The following CCNY variants were observed in gnomAD, a reference collection of about 807,000 sequenced individuals.
CCNY encodes cyclin Y.
A neutral mutation model predicts 42.8 loss-of-function variants in CCNY; 19 were observed. The observed-to-expected ratio is 0.44, with a 90% CI of 0.31 to 0.65. The LOEUF (loss-of-function observed/expected upper bound fraction) is 0.65. CCNY is among the 30% of genes least tolerant of loss of function. The probability of loss-of-function intolerance (pLI) is 0.07; values close to 1 mark genes in which losing one functional copy is unlikely to be tolerated. For missense variants in CCNY, 370 were observed against 437.3 expected (o/e 0.85, Z 1.37); for synonymous variants, 165 against 162.7 (o/e 1.01, Z -0.11).
intron 7 of CCNY, among the ~76,000 whole-genome samples, chr10:35,547,744 G>A (rs1299615513): frequency 1.3e-5 from 2 of 152,160 alleles, no homozygotes; most frequent in African/African-American, 2.4e-5. Context: ...GACCCCATAT[G>A]CCCATGATGC....
chr10:35,291,299 C>T lies in CCNY; in HGVS notation c.-9+40673C>T, dbSNP rs138907593. Among the ~76,000 whole-genome samples the T allele has an allele frequency of 5.3e-5, 8 of 152,002 alleles. 1 individual carries two copies. The highest frequency in any genetic ancestry group is 2.1e-4 in the South Asian group (1 of 4,812). On this transcript the variant is annotated intron_variant, in intron 3 of 11. Transcript: ENST00000374706. ...TGGGATTACAGGTGTGAGTCATTCC[C>T]GGCCTAATATGAGGTCTTTTAAAGC...
chr10:35,477,033 C>T (rs1418649058), intron 1 of CCNY, among the ~76,000 whole-genome samples: 2 of 152,190 alleles, frequency 1.3e-5, no homozygotes, highest in Non-Finnish European at 2.9e-5. Context: ...ACTAGAAAAT[C>T]TAGAAGAAAT....
chr10:35,474,117 T>G (rs1041040492), intron 1 of CCNY, among the ~76,000 whole-genome samples: 1 of 152,132 alleles, frequency 6.6e-6, no homozygotes, highest in African/African-American at 2.4e-5. Flanking sequence ...ACCACGAGAT[T>G]ATATCCCGCA....
At chr10:35,531,454 C>G (rs1840769494) in intron 7 of CCNY, among the ~76,000 whole-genome samples, 1 of 152,176 alleles carries the variant, frequency 6.6e-6, no homozygotes, top group African/African-American at 2.4e-5. Flanking sequence ...GATAATAGAA[C>G]AGACAATCAA....
chr10:35,501,473 A>G (rs2135390946), intron 2 of CCNY, 28 bp from the exon 3 acceptor site: 1 of 1,611,572 alleles, frequency 6.2e-7, no homozygotes, highest in East Asian at 2.2e-5. Context: ...GGCATATAAC[A>G]TTTCTGTTGC....
intron 3 of CCNY, among the ~76,000 whole-genome samples, chr10:35,253,411 ACTATTTTT>A (rs1565052772): frequency 2.4e-4 from 33 of 135,490 alleles, no homozygotes; most frequent in African/African-American, 9.4e-4. Context: ...CAGCATGCTC[ACTATTTTT>A]TTTTTTTTTT....
In CCNY at chr10:35,477,114, A is replaced by G. The variant is rs980948975; in HGVS notation, c.155-6290A>G. Among the ~76,000 whole-genome samples the G allele has an allele frequency of 9.7e-4, 148 of 152,254 alleles. 1 individual carries two copies. Among genetic ancestry groups the G allele is most frequent in the African/African-American group, 3.3e-3 (139 of 41,538 alleles). On this transcript the variant is annotated intron_variant, in intron 1 of 9. Coordinates refer to ENST00000374704, the MANE Select transcript of CCNY (RefSeq NM_145012.6). The stretch of plus-strand genomic sequence containing the variant: ...AGAAGTTGAATCTCTGAATAGACCA[A>G]TAACAGGATCTGAAATTGTGGCAAT...
At chr10:35,289,060 T>C (rs539092537) in intron 3 of CCNY, among the ~76,000 whole-genome samples, 4 of 152,300 alleles carry the variant, frequency 2.6e-5, no homozygotes, top group African/African-American at 7.2e-5. Context: ...CATAGATATC[T>C]CTCCATTTAC....
chr10:35,270,372 A>T (rs1835148475), intron 3 of CCNY, among the ~76,000 whole-genome samples: 1 of 152,156 alleles, frequency 6.6e-6, no homozygotes, highest in Non-Finnish European at 1.5e-5. Flanking sequence ...AAAACATTCA[A>T]ATCTAGCACA....
In CCNY at chr10:35,363,268, G is replaced by A. The variant is rs539912175; in HGVS notation, c.154+26061G>A. ...GCGCTCCTCACTTCCCCGACAGGGC[G>A]GTAGCTGGGTAGAGGCACTCCTCAC... is the stretch of plus-strand genomic sequence containing the variant. On this transcript the variant is annotated intron_variant, in intron 1 of 9. Transcript: ENST00000374704. 1.5e-4 allele frequency among the ~76,000 whole-genome samples: 22 copies of A among 151,070 alleles called. No individual in the cohort carries two copies. In the East Asian group the frequency reaches 3.8e-3, roughly 26 times the overall value.
chr10:35,388,983 A>C (rs982492653), intron 1 of CCNY, among the ~76,000 whole-genome samples: 2 of 152,124 alleles, frequency 1.3e-5, no homozygotes, highest in African/African-American at 2.4e-5. Context: ...TTTTAAGGAG[A>C]TTGCTTTAGG....
At chr10:35,567,273 T>C (rs1345097107) in intron 9 of CCNY, among the ~76,000 whole-genome samples, 1 of 152,220 alleles carries the variant, frequency 6.6e-6, no homozygotes, top group Non-Finnish European at 1.5e-5. Flanking sequence ...GGTCTGGGTT[T>C]TGGGCCGTCA....
At chr10:35,272,960 C>T (rs1438337282) in intron 3 of CCNY, among the ~76,000 whole-genome samples, 1 of 151,454 alleles carries the variant, frequency 6.6e-6, no homozygotes, top group Non-Finnish European at 1.5e-5. Flanking sequence ...ATAATGGTCA[C>T]TCTGACTGGT....
At chr10:35,524,572 G>T in intron 4 of CCNY, among the ~76,000 whole-genome samples, 1 of 152,200 alleles carries the variant, frequency 6.6e-6, no homozygotes, top group Non-Finnish European at 1.5e-5. Flanking sequence ...GAGAGGATCA[G>T]AACACCGTCT....
chr10:35,461,867 G>C (rs1293945853), intron 1 of CCNY, among the ~76,000 whole-genome samples: 1 of 152,024 alleles, frequency 6.6e-6, no homozygotes, highest in Non-Finnish European at 1.5e-5. Context: ...TGTCCCTGAT[G>C]TTATTGAGTC....
chr10:35,256,863 T>C (rs543609215), intron 3 of CCNY, among the ~76,000 whole-genome samples: 2 of 152,286 alleles, frequency 1.3e-5, no homozygotes, highest in South Asian at 4.1e-4. Flanking sequence ...TAATAATTAT[T>C]TTAAGTGCAT....
At chr10:35,407,425 G>A (rs1837804222) in intron 1 of CCNY, among the ~76,000 whole-genome samples, 1 of 152,120 alleles carries the variant, frequency 6.6e-6, no homozygotes, top group Non-Finnish European at 1.5e-5. Flanking sequence ...AGAGAAAGAA[G>A]AAAGATTTGG....
chr10:35,497,726 CAAAAA>C (rs34502756), intron 2 of CCNY, among the ~76,000 whole-genome samples: 2 of 73,610 alleles, frequency 2.7e-5, no homozygotes, highest in East Asian at 3.9e-4. Flanking sequence ...GACTCCGTCT[CAAAAA>C]AAAAAAAAAA....
intron 1 of CCNY, among the ~76,000 whole-genome samples, chr10:35,444,336 C>A (rs959872933): frequency 3.3e-5 from 5 of 151,670 alleles, no homozygotes; most frequent in African/African-American, 1.2e-4. Flanking sequence ...CAACCTCTGC[C>A]CCCCGGGTTC....
Sources: gnomAD v4.1 joint callset for allele counts (sites outside exome capture counted in the v4.1 genomes callset) on GRCh38, gnomAD v4.1.1 for gene constraint, MANE v1.5 for transcripts, NCBI Gene and HGNC (gene_info 2026-07-23, HGNC 2026-07-21) for gene names.